GRK4: variants seen among roughly 807,000 people sequenced by gnomAD.
The protein encoded by GRK4 is G protein-coupled receptor kinase 4.
Under a neutral mutation model 77.9 loss-of-function variants are expected in GRK4, and 73 were observed. The observed-to-expected ratio is 0.94, with a 90% CI of 0.78 to 1.14. The LOEUF (loss-of-function observed/expected upper bound fraction) is 1.14. Among genes scored for constraint, GRK4 ranks in the 50% most tolerant of loss-of-function variants. The probability of loss-of-function intolerance (pLI) is 0.00; values close to 1 mark genes in which losing one functional copy is unlikely to be tolerated. For synonymous variants in GRK4, 257 were observed against 254.4 expected (o/e 1.01, Z -0.10); for missense variants, 729 against 700.2 (o/e 1.04, Z -0.46).
At chr4:3,010,287 C>T (rs1172754161) in intron 7 of GRK4, among the ~76,000 whole-genome samples, 3 of 152,054 alleles carry the variant, frequency 2.0e-5, no homozygotes, top group Non-Finnish European at 4.4e-5. Flanking sequence ...AGTGCAATGG[C>T]GTGATCTCAG....
intron 10 of GRK4, 92 bp downstream of exon 10, chr4:3,022,543 T>A: frequency 9.2e-7 from 1 of 1,088,434 alleles, no homozygotes; most frequent in East Asian, 2.4e-5. Context: ...ACTTAATGAT[T>A]AGGAGAGAAT....
At chr4:2,992,445 T>A (rs1726516523) in intron 4 of GRK4, among the ~76,000 whole-genome samples, 153 bp downstream of exon 4, 1 of 152,048 alleles carries the variant, frequency 6.6e-6, no homozygotes, top group South Asian at 2.1e-4. Flanking sequence ...TTCGGGAGGC[T>A]GAGGAAGGAG....
At position 3,036,083 on chromosome 4, in the gene GRK4, A is replaced by C. The variant is rs111411779; in HGVS notation, c.1407+560A>C. 2.0e-4 allele frequency among the ~76,000 whole-genome samples: 30 copies of C among 152,310 alleles called. 1 individual carries two copies. The highest frequency in any genetic ancestry group is 6.5e-4 in the African/African-American group (27 of 41,578). On this transcript the variant is annotated intron_variant, in intron 13 of 15. Transcript: ENST00000398052. Reference sequence around the variant, plus strand: ...TGATCCTCCTGCCTTGACCTCCCAGAATGCTGGGATTACAGGCATGAGCCA... The same window carrying C: ...TGATCCTCCTGCCTTGACCTCCCAGCATGCTGGGATTACAGGCATGAGCCA...
At chr4:3,023,468 G>A (rs1423529537) in intron 10 of GRK4, among the ~76,000 whole-genome samples, 1 of 152,208 alleles carries the variant, frequency 6.6e-6, no homozygotes, top group African/African-American at 2.4e-5. Flanking sequence ...GAGATTGAGG[G>A]CAGTCGTGGG....
At position 3,019,734 on chromosome 4, in the gene GRK4, C is replaced by T; in HGVS notation, c.835C>T (p.Leu279=). Reference sequence around the variant, plus strand: ...GGATTTGAAGTTTCACATTTACAACCTGGGCAATCCCGGCTTTGATGAGCA... The same window carrying T: ...GGATTTGAAGTTTCACATTTACAACTTGGGCAATCCCGGCTTTGATGAGCA... ...GGDLKFHIYN[L]GNPGFDEQRA... The change falls in exon 9 of 16, where the codon CTG becomes TTG. Residue 279 remains leucine, a synonymous_variant. Transcript: ENST00000398052. 6.2e-7 allele frequency: 1 copy of T among 1,614,216 alleles called. No individual in the cohort carries two copies.
At chr4:3,028,956 G>A (rs758698386) in intron 11 of GRK4, among the ~76,000 whole-genome samples, 5 of 152,122 alleles carry the variant, frequency 3.3e-5, no homozygotes, top group Non-Finnish European at 5.9e-5. Context: ...ATTTTTAGTA[G>A]AGACAGGGTT....
chr4:2,972,674 G>A (rs1348687931), intron 1 of GRK4, among the ~76,000 whole-genome samples: 3 of 152,108 alleles, frequency 2.0e-5, no homozygotes, highest in African/African-American at 7.2e-5. Flanking sequence ...GGGCGGAGGG[G>A]GAGTCCTGTG....
At chr4:3,022,115 C>G (rs1199619718) in intron 9 of GRK4, among the ~76,000 whole-genome samples, 1 of 152,182 alleles carries the variant, frequency 6.6e-6, no homozygotes, top group Non-Finnish European at 1.5e-5. Flanking sequence ...AGAAATTGTG[C>G]CACGTTCATT....
intron 10 of GRK4, among the ~76,000 whole-genome samples, chr4:3,023,848 T>C (rs552250841): frequency 6.6e-6 from 1 of 152,324 alleles, no homozygotes; most frequent in African/African-American, 2.4e-5. Context: ...GCAGAGTGTG[T>C]GTGTAGTGTG....
intron 12 of GRK4, among the ~76,000 whole-genome samples, chr4:3,033,784 A>G (rs1357078848): frequency 1.3e-5 from 2 of 152,122 alleles, no homozygotes; most frequent in South Asian, 4.1e-4. Flanking sequence ...ACCGGGTTTC[A>G]CCATGTTGGC....
Position 3,019,458 on chromosome 4 carries a change from T to A in GRK4, c.742-183T>A, listed in dbSNP as rs547354640. On this transcript the variant is annotated intron_variant, in intron 8 of 15. Coordinates refer to ENST00000398052, the MANE Select transcript of GRK4 (RefSeq NM_182982.3). ...TTTTGGCTACACAGCTGCGGTAAAA[T>A]CTTCAGCATGCCAAGGTCCAAGAGG... Among the ~76,000 whole-genome samples the A allele has an allele frequency of 1.6e-4, 25 of 152,318 alleles. No individual in the cohort carries two copies. The South Asian group carries it at 4.8e-3, about 29-fold the overall frequency.
chr4:3,015,573 G>A (rs1282439808), intron 8 of GRK4, among the ~76,000 whole-genome samples: 3 of 151,880 alleles, frequency 2.0e-5, no homozygotes. Flanking sequence ...TACTCAGGAG[G>A]CTGAGGCAGG....
intron 4 of GRK4, among the ~76,000 whole-genome samples, chr4:3,003,036 C>T (rs535056940): frequency 6.6e-6 from 1 of 152,306 alleles, no homozygotes; most frequent in Admixed American, 6.5e-5. Context: ...CCGACCTTTT[C>T]ATCTCACAGA....
At chr4:2,997,459 T>C (rs1331025144) in intron 4 of GRK4, among the ~76,000 whole-genome samples, 1 of 152,196 alleles carries the variant, frequency 6.6e-6, no homozygotes, top group African/African-American at 2.4e-5. Flanking sequence ...TGCCTTTTAA[T>C]GGTCACAATA....
chr4:3,001,507 C>T (rs149661116), intron 4 of GRK4, among the ~76,000 whole-genome samples: 9,529 of 151,588 alleles, frequency 0.063, 452 homozygotes, highest in Non-Finnish European at 0.095. Context: ...GCTGAGATTA[C>T]AGGTGCCTGC....
At chr4:3,007,263 C>T (rs1052827836) in intron 5 of GRK4, among the ~76,000 whole-genome samples, 8 of 152,108 alleles carry the variant, frequency 5.3e-5, no homozygotes, top group Non-Finnish European at 7.4e-5. Flanking sequence ...TGCACTTACC[C>T]GCTCACAGTA....
intron 1 of GRK4, among the ~76,000 whole-genome samples, chr4:2,975,401 C>T (rs1463989449): frequency 6.6e-6 from 1 of 152,186 alleles, no homozygotes; most frequent in African/African-American, 2.4e-5. Flanking sequence ...ATGATCTTCC[C>T]TCCTCATACC....
At chr4:3,016,024 T>A (rs565327233) in intron 8 of GRK4, among the ~76,000 whole-genome samples, 1 of 151,048 alleles carries the variant, frequency 6.6e-6, no homozygotes, top group South Asian at 2.1e-4. Flanking sequence ...TTCTCCTGCC[T>A]CAGCCTCCCG....
chr4:2,997,373 C>A (rs13111777), intron 4 of GRK4, among the ~76,000 whole-genome samples: 11,979 of 152,066 alleles, frequency 0.079, 564 homozygotes, highest in African/African-American at 0.13. Flanking sequence ...TGATAAAATC[C>A]ACACCCCTTC....
Sources: allele counts gnomAD v4.1 joint callset (sites outside exome capture counted in the v4.1 genomes callset), GRCh38; gene constraint gnomAD v4.1.1; transcripts MANE v1.5; gene names NCBI Gene and HGNC (gene_info 2026-07-23, HGNC 2026-07-21).